The following CENPN variants were observed in gnomAD, a reference collection of about 807,000 sequenced individuals.
CENPN encodes centromere protein N.
Under a neutral mutation model 48.6 loss-of-function variants are expected in CENPN, and 36 were observed. The observed-to-expected ratio is 0.74, with a 90% CI of 0.57 to 0.98. The LOEUF is 0.98. Ranked by LOEUF, CENPN falls within the 50% of genes least tolerant of loss-of-function variation. The pLI is 0.00. For missense variants in CENPN, 439 were observed against 399.2 expected, an observed-to-expected ratio of 1.10 and a Z score of -0.85; for synonymous variants, 166 against 135.2, an observed-to-expected ratio of 1.23 and a Z score of -1.58.
intron 2 of CENPN, 28 bp downstream of exon 2, chr16:81,012,138 GA>G: frequency 6.2e-7 from 1 of 1,603,324 alleles, no homozygotes; most frequent in Non-Finnish European, 8.5e-7. Context: ...GATGAGCCTT[GA>G]ACAGAGTGCT....
At chr16:81,017,885 G>A in intron 5 of CENPN, 51 bp downstream of exon 5, 1 of 1,123,330 alleles carries the variant, frequency 8.9e-7, no homozygotes, top group Non-Finnish European at 1.3e-6. Context: ...TGACGTCTGT[G>A]CACTTAAAAT....
rs1322167658 is a variant in CENPN, at chr16:81,025,689, CTCTTTT to C, written c.698-835_698-830del. ...TGGGCAACATAGTGAGACCCTGTCTCTCTTTTTTTTTTTTTTTTTTTTTTTTTTTTT... is the reference window on the plus strand; with the variant it reads ...TGGGCAACATAGTGAGACCCTGTCTCTTTTTTTTTTTTTTTTTTTTTTTTT... On this transcript the variant is annotated intron_variant, in intron 8 of 10. Transcript: ENST00000305850. 1.9e-4 allele frequency among the ~76,000 whole-genome samples: 26 copies of C among 135,232 alleles called. 1 individual carries two copies. Among genetic ancestry groups the C allele is most frequent in the African/African-American group, 7.1e-4 (24 of 34,032 alleles). 88.7% of individuals were successfully genotyped at this position (135,232 alleles called of 152,430 possible). A position where few individuals can be genotyped will look rare whatever the true frequency, so the allele number is the denominator to read the frequency against.
intron 5 of CENPN, among the ~76,000 whole-genome samples, chr16:81,018,284 C>T (rs561619972): frequency 6.6e-6 from 1 of 151,780 alleles, no homozygotes; most frequent in Non-Finnish European, 1.5e-5. Context: ...AGCAATTCTT[C>T]TGCCTCTGCC....
intron 3 of CENPN, among the ~76,000 whole-genome samples, chr16:81,015,477 A>T (rs1180901018): frequency 6.6e-6 from 1 of 152,260 alleles, no homozygotes; most frequent in African/African-American, 2.4e-5. Flanking sequence ...TTAAATACTT[A>T]AAGCCTGGTA....
chr16:81,026,766 A>G (rs1235777725), intron 9 of CENPN, 128 bp downstream of exon 9: 1 of 467,520 alleles, frequency 2.1e-6, no homozygotes, highest in African/African-American at 2.0e-5. Context: ...CATGTAATAA[A>G]TTTATGAATT....
At chr16:81,011,216 C>A (rs1428810114) in intron 1 of CENPN, among the ~76,000 whole-genome samples, 1 of 152,188 alleles carries the variant, frequency 6.6e-6, no homozygotes, top group Non-Finnish European at 1.5e-5. Flanking sequence ...CACCACATGA[C>A]TCCTTCTCCT....
chr16:81,017,807 G>C lies in CENPN; in HGVS notation c.327G>C (p.Lys109Asn). Residue 109 changes from lysine (K) to asparagine (N), a missense_variant, in exon 5 of 11, where the codon AAG (lysine) becomes AAC (asparagine). Transcript: ENST00000305850. ...FDMKQFKNSFKKILQRALKNV... is the reference protein window; with the variant it reads ...FDMKQFKNSFNKILQRALKNV... ...TGAAACAATTTAAAAATTCGTTCAA[G>C]AAAATTCTTCAGAGAGCATTAAAAA... The C allele has an allele frequency of 6.3e-7, 1 of 1,582,006 alleles. No homozygotes were observed. The highest frequency in any genetic ancestry group is 1.2e-5 in the South Asian group (1 of 85,482).
chr16:81,011,426 G>C (rs1969736552), intron 1 of CENPN, among the ~76,000 whole-genome samples: 2 of 152,142 alleles, frequency 1.3e-5, no homozygotes, highest in African/African-American at 2.4e-5. Context: ...TTTGGCCAAA[G>C]ACATATGTAT....
chr16:81,012,306 C>A, intron 2 of CENPN, among the ~76,000 whole-genome samples, 196 bp downstream of exon 2: 1 of 152,100 alleles, frequency 6.6e-6, no homozygotes, highest in Middle Eastern at 3.4e-3. Context: ...GCTTAAAAAT[C>A]AATAAGATGG....
In CENPN at chr16:81,026,065, A is replaced by G. The variant is rs1241142935; in HGVS notation, c.698-461A>G. 8.3e-3 allele frequency among the ~76,000 whole-genome samples: 426 copies of G among 51,450 alleles called. 4 individuals carry two copies. The highest frequency in any genetic ancestry group is 0.017 in the African/African-American group (400 of 23,866). The allele number at this position is 51,450 out of a possible 152,430, so 33.8% of individuals were successfully genotyped here. A position where few individuals can be genotyped will look rare whatever the true frequency, so the allele number is the denominator to read the frequency against. ...GGGTGCCATGGAGATATATATATAT[A>G]TATATGTGTGTGTGTGTGTGTGTGT... On this transcript the variant is annotated intron_variant, in intron 8 of 10. Coordinates refer to ENST00000305850, the MANE Select transcript of CENPN (RefSeq NM_001100624.3).
intron 1 of CENPN, among the ~76,000 whole-genome samples, chr16:81,010,177 G>A (rs900274725): frequency 4.6e-5 from 7 of 152,116 alleles, no homozygotes; most frequent in African/African-American, 1.7e-4. Context: ...CAGCCCGGGC[G>A]ACAGAGTGAG....
rs766506638 is a variant in CENPN at position 81,011,943 on chromosome 16, G to C, written c.4G>C (p.Asp2His). The change falls in exon 2 of 11, where the codon GAT becomes CAT. Residue 2 changes from aspartate (D) to histidine (H), a missense_variant. By Grantham distance (81) the Asp-to-His change is moderately conservative. Coordinates refer to ENST00000305850, the MANE Select transcript of CENPN (RefSeq NM_001100624.3). ...GTTTTGTAAAAGTGCCAAAGAGATGGATGAGACTGTTGCTGAGTTCATCAA... is the reference window on the plus strand; with the variant it reads ...GTTTTGTAAAAGTGCCAAAGAGATGCATGAGACTGTTGCTGAGTTCATCAA... M[D>H]ETVAEFIKRT... 3 of 1,613,594 alleles carry C rather than the reference G, an allele frequency of 1.9e-6. No homozygotes were observed. The highest frequency in any genetic ancestry group is 1.7e-6 in the Non-Finnish European group (2 of 1,179,570).
chr16:81,026,069 ATG>A lies in CENPN; in HGVS notation c.698-437_698-436del, dbSNP rs56927276. 1.9e-4 allele frequency among the ~76,000 whole-genome samples: 26 copies of A among 136,714 alleles called. No individual in the cohort carries two copies. In the South Asian group the frequency reaches 4.9e-3, roughly 26 times the overall value. The allele number at this position is 136,714 out of a possible 152,430, so 89.7% of individuals were successfully genotyped here. ...GCCATGGAGATATATATATATATAT[ATG>A]TGTGTGTGTGTGTGTGTGTATATAT... On this transcript the variant is annotated intron_variant, in intron 8 of 10. Coordinates refer to ENST00000305850, the MANE Select transcript of CENPN (RefSeq NM_001100624.3).
intron 9 of CENPN, among the ~76,000 whole-genome samples, chr16:81,027,809 A>G (rs1970577911): frequency 6.6e-6 from 1 of 152,148 alleles, no homozygotes; most frequent in Non-Finnish European, 1.5e-5. Context: ...GGTTCAAGCA[A>G]TTCTCATGCC....
intron 2 of CENPN, among the ~76,000 whole-genome samples, 199 bp downstream of exon 2, chr16:81,012,309 T>C (rs1037840336): frequency 6.6e-6 from 1 of 152,156 alleles, no homozygotes; most frequent in Non-Finnish European, 1.5e-5. Context: ...TAAAAATCAA[T>C]AAGATGGAAA....
At chr16:81,012,162 T>A (rs776983188) in intron 2 of CENPN, 52 bp downstream of exon 2, 20 of 1,522,660 alleles carry the variant, frequency 1.3e-5, no homozygotes, top group Non-Finnish European at 1.7e-5. Context: ...CCCCTTGGGT[T>A]TTTCTTTCTT....
At chr16:81,014,248 T>G (rs1969851813) in intron 3 of CENPN, 67 bp downstream of exon 3, 2 of 1,382,770 alleles carry the variant, frequency 1.4e-6, no homozygotes, top group East Asian at 4.6e-5. Context: ...TGTTTCTTTC[T>G]TTGTGAGACA....
chr16:81,028,007 C>T (rs1970587469), intron 9 of CENPN, among the ~76,000 whole-genome samples, 164 bp from the exon 10 acceptor site: 1 of 152,126 alleles, frequency 6.6e-6, no homozygotes, highest in African/African-American at 2.4e-5. Context: ...GCCCGACCTG[C>T]CCTCTATGTT....
At chr16:81,025,848 G>A (rs1357666908) in intron 8 of CENPN, among the ~76,000 whole-genome samples, 10 of 151,402 alleles carry the variant, frequency 6.6e-5, no homozygotes, top group African/African-American at 1.9e-4. Context: ...GACTACAGGC[G>A]CCTGCCACCA....
Sources: allele counts gnomAD v4.1 joint callset (sites outside exome capture counted in the v4.1 genomes callset), GRCh38; gene constraint gnomAD v4.1.1; transcripts MANE v1.5; gene names NCBI Gene and HGNC (gene_info 2026-07-23, HGNC 2026-07-21).